Variants in STAM2 observed in about 807,000 individuals in gnomAD.
STAM2 encodes signal transducing adapter molecule 2.
In STAM2, 51 loss-of-function variants were observed where a neutral mutation model predicts 65.6. The ratio of observed to expected loss-of-function variants is 0.78; its 90% CI spans 0.62 to 0.98. The LOEUF is 0.98. Among genes scored for constraint, STAM2 ranks in the 50% least tolerant of loss-of-function variants. STAM2 has a pLI of 0.00. For synonymous variants in STAM2, 198 were observed against 208.4 expected, an observed-to-expected ratio of 0.95 and a Z score of 0.43; for missense variants, 584 against 617.8, an observed-to-expected ratio of 0.95 and a Z score of 0.58.
At chr2:152,123,199 G>GT (rs927680439) in intron 13 of STAM2, among the ~76,000 whole-genome samples, 1 of 151,630 alleles carries the variant, frequency 6.6e-6, no homozygotes, top group Non-Finnish European at 1.5e-5. Context: ...CTGAAACCCC[G>GT]TCTCTACTAA....
At chr2:152,120,856 T>A in intron 13 of STAM2, 54 bp from the exon 14 acceptor site, 10 of 1,386,118 alleles carry the variant, frequency 7.2e-6, no homozygotes, top group Non-Finnish European at 9.2e-6. Context: ...TATATAAGGT[T>A]AGAGATCAAT....
intron 4 of STAM2, 81 bp downstream of exon 4, chr2:152,147,943 T>C (rs946749928): frequency 2.2e-5 from 22 of 1,008,058 alleles, no homozygotes; most frequent in African/African-American, 1.8e-4. Context: ...TATAATACTT[T>C]AGTAATGCCA....
chr2:152,121,215 C>T (rs2105525177), intron 13 of STAM2, among the ~76,000 whole-genome samples: 1 of 152,284 alleles, frequency 6.6e-6, no homozygotes, highest in South Asian at 2.1e-4. Context: ...CTCAAGTGAT[C>T]CTCTGGCCTT....
In STAM2 at chr2:152,130,773, C is replaced by T. The variant is rs1444777935; in HGVS notation, c.1025+1341G>A. Among the ~76,000 whole-genome samples, 9 of 150,898 alleles carry T rather than the reference C, an allele frequency of 6.0e-5. No homozygotes were observed. In the East Asian group the frequency reaches 9.9e-4, roughly 17 times the overall value. ...CAACACTTTGGGAGGCTGAGGTGAG[C>T]GGATCACGAGGTCAGGAGTTCGAGA... On this transcript the variant is annotated intron_variant, in intron 11 of 13. Coordinates refer to ENST00000263904, the MANE Select transcript of STAM2 (RefSeq NM_005843.6).
In STAM2 at chr2:152,147,085, C is replaced by T. The variant is rs1689349736; in HGVS notation, c.447+77G>A. 2.5e-5 allele frequency: 33 copies of T among 1,330,680 alleles called. No homozygotes were observed. In the Admixed American group the frequency reaches 4.8e-4, roughly 19 times the overall value. The allele number at this position is 1,330,680 out of a possible 1,614,324, so 82.4% of individuals were successfully genotyped here. On this transcript the variant is annotated intron_variant, in intron 5 of 13. Coordinates refer to ENST00000263904, the MANE Select transcript of STAM2 (RefSeq NM_005843.6). ...GGTGGAAAATGATAATCTAGACATA[C>T]CTTGCCTAGTCTTTACATAACATAC... is the stretch of plus-strand genomic sequence containing the variant.
chr2:152,164,053 C>A (rs1010577432), intron 1 of STAM2, among the ~76,000 whole-genome samples: 10 of 152,166 alleles, frequency 6.6e-5, no homozygotes, highest in African/African-American at 9.7e-5. Context: ...TGTTCGTACA[C>A]CCCCTCCCCT....
chr2:152,154,275 C>A (rs1689500924), intron 1 of STAM2, among the ~76,000 whole-genome samples: 1 of 152,136 alleles, frequency 6.6e-6, no homozygotes, highest in Non-Finnish European at 1.5e-5. Context: ...ACCAGTTACT[C>A]TCAAACTTAC....
At chr2:152,173,036 G>A (rs541060471) in intron 1 of STAM2, among the ~76,000 whole-genome samples, 9 of 151,828 alleles carry the variant, frequency 5.9e-5, no homozygotes, top group South Asian at 2.1e-4. Flanking sequence ...TATACTTATC[G>A]TACTAAATTA....
chr2:152,175,569 C>CACACAGCAGTCCAGGACCGG (rs1690002428), intron 1 of STAM2, 34 bp downstream of exon 1: 1 of 1,613,610 alleles, frequency 6.2e-7, no homozygotes, highest in Non-Finnish European at 8.5e-7. Flanking sequence ...CAGGGCCAGG[C>CACACAGCAGTCCAGGACCGG]ACACAGCAGT....
intron 1 of STAM2, among the ~76,000 whole-genome samples, chr2:152,170,601 G>A (rs370758742): frequency 1.3e-5 from 2 of 152,308 alleles, no homozygotes; most frequent in East Asian, 3.9e-4. Flanking sequence ...TCGTCAATAG[G>A]ACAACAGATA....
intron 1 of STAM2, among the ~76,000 whole-genome samples, chr2:152,173,712 C>A (rs1383897788): frequency 6.6e-6 from 1 of 152,062 alleles, no homozygotes; most frequent in Non-Finnish European, 1.5e-5. Flanking sequence ...TTTGTATTAA[C>A]GATTTGAAAT....
rs936858912 is a variant in STAM2 at position 152,119,233 on chromosome 2, T to C, written c.*1341A>G. ...AAAAAGTTGGTAGACAATGAAGTAGTGTGCAAATTTTTAGGAGAGAAAACA... is the reference window on the plus strand; with the variant it reads ...AAAAAGTTGGTAGACAATGAAGTAGCGTGCAAATTTTTAGGAGAGAAAACA... On this transcript the variant is annotated 3_prime_UTR_variant, in exon 14 of 14. Coordinates refer to ENST00000263904, the MANE Select transcript of STAM2 (RefSeq NM_005843.6). 4 of 152,220 alleles carry C rather than the reference T, an allele frequency of 2.6e-5. No homozygotes were observed. Among genetic ancestry groups the C allele is most frequent in the African/African-American group, 9.6e-5 (4 of 41,470 alleles). The allele number at this position is 152,220 out of a possible 1,614,324, so 9.4% of individuals were successfully genotyped here.
At chr2:152,135,308 T>C (rs571736866) in intron 8 of STAM2, among the ~76,000 whole-genome samples, 24 of 152,334 alleles carry the variant, frequency 1.6e-4, no homozygotes, top group African/African-American at 5.8e-4. Context: ...GGATGTAAAA[T>C]AAGAGGAAAT....
intron 7 of STAM2, among the ~76,000 whole-genome samples, chr2:152,142,224 G>C (rs988479961): frequency 2.6e-5 from 4 of 152,126 alleles, no homozygotes; most frequent in African/African-American, 9.7e-5. Context: ...TCTCTTAGCA[G>C]TTACAAATAA....
chr2:152,120,403 A>G lies in STAM2; in HGVS notation c.*171T>C, dbSNP rs527485773. On this transcript the variant is annotated 3_prime_UTR_variant, in exon 14 of 14. Transcript: ENST00000263904. Reference sequence around the variant, plus strand: ...TTCAAACAAACTGGACTGAAAAAAAAAAAAAAAAAAAACCTTTTATGGCCT... The same window carrying G: ...TTCAAACAAACTGGACTGAAAAAAAGAAAAAAAAAAAACCTTTTATGGCCT... 3 of 563,718 alleles carry G rather than the reference A, an allele frequency of 5.3e-6. No individual in the cohort carries two copies. In the East Asian group the frequency reaches 9.0e-5, roughly 17 times the overall value. 34.9% of individuals were successfully genotyped at this position (563,718 alleles called of 1,614,324 possible). A position where few individuals can be genotyped will look rare whatever the true frequency, so the allele number is the denominator to read the frequency against.
rs1248737493 is a variant in STAM2 at position 152,122,072 on chromosome 2, ATATATGTGTG to A, written c.1350-1280_1350-1271del. Among the ~76,000 whole-genome samples, 793 of 108,300 alleles carry A rather than the reference ATATATGTGTG, an allele frequency of 7.3e-3. 3 individuals carry two copies. Among genetic ancestry groups the A allele is most frequent in the Middle Eastern group, 0.017 (3 of 172 alleles). 71.0% of individuals were successfully genotyped at this position (108,300 alleles called of 152,430 possible). A position where few individuals can be genotyped will look rare whatever the true frequency, so the allele number is the denominator to read the frequency against. ...CCAAAAAAAAAATATATATATATAT[ATATATGTGTG>A]TGTGTGTGTGTGTGTGTGTGTGTAT... is the stretch of plus-strand genomic sequence containing the variant. On this transcript the variant is annotated intron_variant, in intron 13 of 13. Transcript: ENST00000263904.
chr2:152,135,433 T>C, intron 8 of STAM2, 76 bp downstream of exon 8: 2 of 1,026,500 alleles, frequency 1.9e-6, no homozygotes, highest in Non-Finnish European at 3.0e-6. Context: ...CAATCTACTT[T>C]ACATCCAAAA....
chr2:152,120,630 G>T lies in STAM2; in HGVS notation c.1522C>A (p.Pro508Thr). 1 of 1,614,118 alleles carries T rather than the reference G, an allele frequency of 6.2e-7. No homozygotes were observed. The highest frequency in any genetic ancestry group is 8.5e-7 in the Non-Finnish European group (1 of 1,180,010). Residue 508 changes from proline (P) to threonine (T), a missense_variant, in exon 14 of 14, where the codon CCA becomes ACA. Pro to Thr is a conservative substitution (Grantham distance 38, BLOSUM62 -1). Coordinates refer to ENST00000263904, the MANE Select transcript of STAM2 (RefSeq NM_005843.6). ...PQLAGFPVTV[P>T]AHPVAQQHTN... ...TGCTGCTGTGCAACTGGATGAGCTG[G>T]AACTGTCACCGGAAAGCCTGCCAGT...
At chr2:152,147,062 T>C in intron 5 of STAM2, 100 bp downstream of exon 5, 1 of 1,133,026 alleles carries the variant, frequency 8.8e-7, no homozygotes, top group Non-Finnish European at 1.2e-6. Flanking sequence ...GAAGTAAAGG[T>C]GGAAAATGAT....
Sources: allele counts gnomAD v4.1 joint callset (sites outside exome capture counted in the v4.1 genomes callset), GRCh38; gene constraint gnomAD v4.1.1; transcripts MANE v1.5; gene names NCBI Gene and HGNC (gene_info 2026-07-23, HGNC 2026-07-21).